Variants in APAF1 observed in about 807,000 individuals in gnomAD.
APAF1 encodes apoptotic peptidase activating factor 1.
APAF1 carries 91 observed loss-of-function variants against 152.4 expected under a neutral mutation model. The observed-to-expected ratio is 0.60, with a 90% CI of 0.50 to 0.71. The LOEUF (loss-of-function observed/expected upper bound fraction) is 0.71, where lower values mean the gene tolerates loss of function less well. Ranked by LOEUF, APAF1 falls within the 30% of genes least tolerant of loss-of-function variation. The pLI is 0.00. For missense variants in APAF1, 1,283 were observed against 1,472.0 expected, an observed-to-expected ratio of 0.87 and a Z score of 2.10; for synonymous variants, 484 against 494.1, an observed-to-expected ratio of 0.98 and a Z score of 0.27.
chr12:98,646,977 C>T (rs989052895), intron 1 of APAF1, among the ~76,000 whole-genome samples: 50 of 152,048 alleles, frequency 3.3e-4, no homozygotes, highest in Admixed American at 6.6e-5. Flanking sequence ...TCAATAGTAA[C>T]AATGCTCTAT....
Position 98,671,075 on chromosome 12 carries a change from C to T in APAF1, c.1597C>T (p.Leu533=). Residue 533 remains leucine (L), a synonymous_variant, in exon 11 of 27, where the codon CTA becomes TTA. Transcript: ENST00000551964. Reference sequence around the variant, plus strand: ...TGAATTTGTGGAATACAGACATATACTAGATGAAAAGGTATATATATTAAC... The same window carrying T: ...TGAATTTGTGGAATACAGACATATATTAGATGAAAAGGTATATATATTAAC... ...IHEFVEYRHI[L]DEKDCAVSEN... is the part of the protein sequence containing the mutation. 1 of 1,590,492 alleles carries T rather than the reference C, an allele frequency of 6.3e-7. No homozygotes were observed. The highest frequency in any genetic ancestry group is 8.6e-7 in the Non-Finnish European group (1 of 1,159,684).
At chr12:98,700,824 C>G (rs2097714606) in intron 17 of APAF1, among the ~76,000 whole-genome samples, 1 of 152,088 alleles carries the variant, frequency 6.6e-6, no homozygotes, top group Non-Finnish European at 1.5e-5. Flanking sequence ...TGCGAATTTG[C>G]CTAGGTATTT....
At chr12:98,717,044 T>G (rs917258220) in intron 22 of APAF1, among the ~76,000 whole-genome samples, 1 of 151,828 alleles carries the variant, frequency 6.6e-6, no homozygotes, top group Non-Finnish European at 1.5e-5. Flanking sequence ...TTTTTGTATT[T>G]TTTTTAGTAG....
At chr12:98,723,534 A>T in intron 23 of APAF1, 105 bp from the exon 24 acceptor site, 1 of 1,161,228 alleles carries the variant, frequency 8.6e-7, no homozygotes, top group Non-Finnish European at 1.2e-6. Flanking sequence ...CAGCCAGTGT[A>T]TTAAAACTCT....
chr12:98,708,437 A>G, intron 19 of APAF1, 148 bp from the exon 20 acceptor site: 1 of 826,910 alleles, frequency 1.2e-6, no homozygotes, highest in Non-Finnish European at 1.9e-6. Context: ...AGATTGTGTT[A>G]GTAAATATTT....
Position 98,680,320 on chromosome 12 carries a change from C to T in APAF1, c.1964C>T (p.Ala655Val), listed in dbSNP as rs762608144. 5 of 1,613,002 alleles carry T rather than the reference C, an allele frequency of 3.1e-6. No individual in the cohort carries two copies. Among genetic ancestry groups the T allele is most frequent in the African/African-American group, 1.3e-5 (1 of 74,910 alleles). ...ETGEKLLEIK[A>V]HEDEVLCCAF... ...GGAGAGAAACTTCTAGAAATCAAGGCTCATGAGGATGAAGTGCTTTGTTGT... is the reference window on the plus strand; with the variant it reads ...GGAGAGAAACTTCTAGAAATCAAGGTTCATGAGGATGAAGTGCTTTGTTGT... Residue 655 changes from alanine (A) to valine (V), a missense_variant, in exon 14 of 27, where the codon GCT (alanine) becomes GTT (valine). Physicochemically the swap from Ala to Val is moderately conservative, Grantham distance 64 (BLOSUM62 0). Coordinates refer to ENST00000551964, the MANE Select transcript of APAF1 (RefSeq NM_181861.2).
In APAF1 at chr12:98,696,010, G is replaced by A. The variant is rs567112607; in HGVS notation, c.2305-3398G>A. Among the ~76,000 whole-genome samples the A allele has an allele frequency of 2.0e-5, 3 of 152,250 alleles. No homozygotes were observed. In the South Asian group the frequency reaches 6.2e-4, roughly 32 times the overall value. On this transcript the variant is annotated intron_variant, in intron 16 of 26. Transcript: ENST00000551964. Reference sequence around the variant, plus strand: ...TAGACTTGATGATTTTGTTGCTGCTGTCTCTTTCTCCATTTTCCTTCGCCT... The same window carrying A: ...TAGACTTGATGATTTTGTTGCTGCTATCTCTTTCTCCATTTTCCTTCGCCT...
rs1441367377 is a variant in APAF1, at chr12:98,708,586, TC to T, written c.2724del (p.Trp909GlyfsTer12). ...LTSSDDQTIR[L>X]WETKKVCKNS... is the part of the protein sequence containing the mutation. ...ATAATTTCTTTATCTCTTAATCAGC[TC>T]TGGGAGACAAAGAAAGTATGTAAGA... is the stretch of plus-strand genomic sequence containing the variant. On this transcript the variant is annotated frameshift_variant and splice_region_variant, in exon 20 of 27. Coordinates refer to ENST00000551964, the MANE Select transcript of APAF1 (RefSeq NM_181861.2). LOFTEE classifies it high-confidence loss of function. 1.9e-6 allele frequency: 3 copies of T among 1,612,840 alleles called. No homozygotes were observed. Among genetic ancestry groups the T allele is most frequent in the Non-Finnish European group, 2.5e-6 (3 of 1,179,246 alleles).
At chr12:98,672,634 T>C (rs1408754569) in intron 12 of APAF1, among the ~76,000 whole-genome samples, 1 of 152,192 alleles carries the variant, frequency 6.6e-6, no homozygotes, top group African/African-American at 2.4e-5. Flanking sequence ...CCTTTCCTTA[T>C]AAAAAGGAAA....
At chr12:98,730,404 A>G (rs1383577285) in intron 26 of APAF1, among the ~76,000 whole-genome samples, 1 of 152,230 alleles carries the variant, frequency 6.6e-6, no homozygotes, top group Non-Finnish European at 1.5e-5. Context: ...AGACCACATC[A>G]TTTGATTCTC....
intron 14 of APAF1, 102 bp downstream of exon 14, chr12:98,680,504 G>C: frequency 9.1e-7 from 1 of 1,098,814 alleles, no homozygotes; most frequent in Non-Finnish European, 1.3e-6. Context: ...ACTCTCACCT[G>C]TTGATCTACT....
At chr12:98,699,239 A>T (rs898775753) in intron 16 of APAF1, among the ~76,000 whole-genome samples, 169 bp from the exon 17 acceptor site, 1 of 152,192 alleles carries the variant, frequency 6.6e-6, no homozygotes, top group Non-Finnish European at 1.5e-5. Context: ...GAACGTAATA[A>T]TGAAACTGGA....
chr12:98,653,656 C>CAA (rs61301412), intron 4 of APAF1, among the ~76,000 whole-genome samples: 5 of 17,532 alleles, frequency 2.9e-4, no homozygotes, highest in African/African-American at 4.3e-4. Flanking sequence ...GATGCCGTCT[C>CAA]AAAAAAAAAA....
intron 15 of APAF1, among the ~76,000 whole-genome samples, chr12:98,685,601 T>G (rs2097697183): frequency 1.3e-5 from 2 of 152,228 alleles, no homozygotes; most frequent in African/African-American, 4.8e-5. Flanking sequence ...CCCAAAGTGC[T>G]AGGATTACAG....
intron 4 of APAF1, among the ~76,000 whole-genome samples, chr12:98,656,736 C>T (rs2097658193): frequency 6.6e-6 from 1 of 152,180 alleles, no homozygotes; most frequent in South Asian, 2.1e-4. Flanking sequence ...ACTACCTTCT[C>T]CATAACCTTC....
At chr12:98,726,109 T>C (rs569396885) in intron 25 of APAF1, among the ~76,000 whole-genome samples, 63 of 152,334 alleles carry the variant, frequency 4.1e-4, no homozygotes, top group African/African-American at 1.5e-3. Flanking sequence ...GGCCAGTTTT[T>C]ATTACCCTGC....
chr12:98,683,433 TA>T (rs1234581052), intron 15 of APAF1, among the ~76,000 whole-genome samples, 159 bp downstream of exon 15: 1 of 152,048 alleles, frequency 6.6e-6, no homozygotes. Flanking sequence ...AGCTTAAAAA[TA>T]TTTTATTGGC....
intron 5 of APAF1, among the ~76,000 whole-genome samples, chr12:98,661,180 C>T (rs746088959): frequency 9.2e-5 from 14 of 152,296 alleles, no homozygotes; most frequent in African/African-American, 2.2e-4. Flanking sequence ...GGATTACAGG[C>T]GTGAGCCACT....
Position 98,723,696 on chromosome 12 carries a change from G to T in APAF1, c.3262G>T (p.Val1088Leu). 4 of 1,611,276 alleles carry T rather than the reference G, an allele frequency of 2.5e-6. No individual in the cohort carries two copies. The highest frequency in any genetic ancestry group is 3.4e-6 in the Non-Finnish European group (4 of 1,178,190). Reference protein sequence around the residue: ...EKDFVCHQGTVLSCDISHDAT... With the variant: ...EKDFVCHQGTLLSCDISHDAT... Reference sequence around the variant, plus strand: ...AGACTTTGTCTGTCACCAGGGTACAGTACTTTCTTGTGACATTTCTCACGA... The same window carrying T: ...AGACTTTGTCTGTCACCAGGGTACATTACTTTCTTGTGACATTTCTCACGA... Residue 1088 changes from valine (V) to leucine (L), a missense_variant, in exon 24 of 27, where the codon GTA becomes TTA. Transcript: ENST00000551964.
Sources: gnomAD v4.1 joint callset for allele counts (sites outside exome capture counted in the v4.1 genomes callset) on GRCh38, gnomAD v4.1.1 for gene constraint, MANE v1.5 for transcripts, NCBI Gene and HGNC (gene_info 2026-07-23, HGNC 2026-07-21) for gene names.